Variants in SLC9C1 observed in about 807,000 individuals in gnomAD.
SLC9C1 encodes solute carrier family 9 member C1, also known as sodium/hydrogen exchanger 10.
In SLC9C1, 97 loss-of-function variants were observed where a neutral mutation model predicts 140.9. The observed-to-expected ratio is 0.69, with a 90% CI of 0.58 to 0.82. The LOEUF (loss-of-function observed/expected upper bound fraction) is 0.82, where lower values mean the gene tolerates loss of function less well. SLC9C1 is among the 40% of genes least tolerant of loss of function. The pLI is 0.00. For synonymous variants in SLC9C1, 440 were observed against 442.6 expected (o/e 0.99, Z 0.07); for missense variants, 1,340 against 1,389.3 (o/e 0.96, Z 0.56).
intron 15 of SLC9C1, among the ~76,000 whole-genome samples, chr3:112,209,106 T>C (rs1256412194): frequency 6.6e-6 from 1 of 152,222 alleles, no homozygotes; most frequent in Non-Finnish European, 1.5e-5. Flanking sequence ...TGATAATGAT[T>C]AATTAATTGC....
intron 26 of SLC9C1, among the ~76,000 whole-genome samples, chr3:112,164,767 T>TGA (rs2077083586): frequency 6.7e-6 from 1 of 148,514 alleles, no homozygotes; most frequent in Non-Finnish European, 1.5e-5. Context: ...TTGCTCTTCT[T>TGA]GAGGAGTATC....
chr3:112,209,206 C>A (rs1331393412), intron 15 of SLC9C1, among the ~76,000 whole-genome samples: 8 of 64,388 alleles, frequency 1.2e-4, no homozygotes, highest in Non-Finnish European at 2.7e-4. Flanking sequence ...ATTTTGGATA[C>A]CATTTGAAAA....
chr3:112,281,555 G>A (rs1009370458), intron 2 of SLC9C1, among the ~76,000 whole-genome samples: 1 of 152,170 alleles, frequency 6.6e-6, no homozygotes, highest in Non-Finnish European at 1.5e-5. Context: ...ATAAGGAATT[G>A]TACTCTCAGA....
At chr3:112,194,381 C>T (rs1230889522) in intron 20 of SLC9C1, among the ~76,000 whole-genome samples, 2 of 152,174 alleles carry the variant, frequency 1.3e-5, no homozygotes, top group African/African-American at 4.8e-5. Flanking sequence ...CCAATCACCA[C>T]AGGTACTTCT....
At chr3:112,283,831 CA>C (rs1297273163) in intron 2 of SLC9C1, among the ~76,000 whole-genome samples, 1 of 104,090 alleles carries the variant, frequency 9.6e-6, no homozygotes, top group African/African-American at 3.8e-5. Context: ...CTTTAGTCCA[CA>C]AATCACTGTG....
intron 13 of SLC9C1, among the ~76,000 whole-genome samples, chr3:112,226,666 G>T (rs1442093947): frequency 6.6e-6 from 1 of 151,982 alleles, no homozygotes; most frequent in African/African-American, 2.4e-5. Flanking sequence ...AGTTTGCAGT[G>T]AGCCAAGATT....
intron 15 of SLC9C1, among the ~76,000 whole-genome samples, chr3:112,211,755 T>G (rs1179556707): frequency 3.9e-5 from 6 of 152,154 alleles, no homozygotes; most frequent in South Asian, 4.1e-4. Context: ...AGGCCTGCCT[T>G]CCTCTGTAGA....
chr3:112,262,073 A>T lies in SLC9C1; in HGVS notation c.1197+851T>A, dbSNP rs1043017495. ...AGTGAGGAAACTGATACTTGAGGTG[A>T]GGTGGAAATTAAAAACTTGCTGATG... On this transcript the variant is annotated intron_variant, in intron 10 of 28. Coordinates refer to ENST00000305815, the MANE Select transcript of SLC9C1 (RefSeq NM_183061.3). Among the ~76,000 whole-genome samples, 7 of 152,036 alleles carry T rather than the reference A, an allele frequency of 4.6e-5. 1 individual carries two copies. The highest frequency in any genetic ancestry group is 1.7e-4 in the African/African-American group (7 of 41,416).
chr3:112,192,517 G>A (rs1389342692), intron 20 of SLC9C1, among the ~76,000 whole-genome samples: 1 of 152,046 alleles, frequency 6.6e-6, no homozygotes, highest in Non-Finnish European at 1.5e-5. Context: ...CACTTGGGTG[G>A]TGTCTACCTT....
Position 112,188,132 on chromosome 3 carries a change from T to C in SLC9C1, c.2524-5874A>G, listed in dbSNP as rs1220704171. Among the ~76,000 whole-genome samples, 4 of 152,316 alleles carry C rather than the reference T, an allele frequency of 2.6e-5. No homozygotes were observed. The South Asian group carries it at 8.3e-4, about 32-fold the overall frequency. On this transcript the variant is annotated intron_variant, in intron 20 of 28. Coordinates refer to ENST00000305815, the MANE Select transcript of SLC9C1 (RefSeq NM_183061.3). ...TCCAACTTGATGGACATATAGGCTGTTTATAATATATGTTTGAACACATAT... is the reference window on the plus strand; with the variant it reads ...TCCAACTTGATGGACATATAGGCTGCTTATAATATATGTTTGAACACATAT...
At chr3:112,286,446 G>A (rs2080510207) in intron 2 of SLC9C1, among the ~76,000 whole-genome samples, 1 of 152,124 alleles carries the variant, frequency 6.6e-6, no homozygotes, top group Admixed American at 6.5e-5. Context: ...ATTGAAATCT[G>A]ACCCTGACAT....
chr3:112,173,342 G>A (rs147131898), intron 23 of SLC9C1, among the ~76,000 whole-genome samples: 2,369 of 152,154 alleles, frequency 0.016, 36 homozygotes, highest in Non-Finnish European at 0.026. Context: ...ATTACATTTC[G>A]CAGGGATCTG....
intron 23 of SLC9C1, among the ~76,000 whole-genome samples, chr3:112,175,224 C>T (rs940831452): frequency 2.0e-5 from 3 of 152,154 alleles, no homozygotes; most frequent in African/African-American, 4.8e-5. Context: ...GCTGGGTGTC[C>T]GCTCCAGTCC....
chr3:112,153,884 A>G (rs2075055774), intron 27 of SLC9C1, among the ~76,000 whole-genome samples: 1 of 152,162 alleles, frequency 6.6e-6, no homozygotes, highest in Admixed American at 6.5e-5. Context: ...GGTTTGAGGA[A>G]ACTTTTTCCC....
chr3:112,242,917 T>C (rs1326743430), intron 11 of SLC9C1, among the ~76,000 whole-genome samples: 1 of 151,930 alleles, frequency 6.6e-6, no homozygotes, highest in East Asian at 1.9e-4. Flanking sequence ...CATGAAAAAA[T>C]GCTCATCATC....
chr3:112,289,366 T>C (rs1240414251), intron 1 of SLC9C1, among the ~76,000 whole-genome samples: 2 of 152,202 alleles, frequency 1.3e-5, no homozygotes, highest in African/African-American at 2.4e-5. Context: ...GGGTTCACTT[T>C]AGGTAAGGTG....
At position 112,278,863 on chromosome 3, in the gene SLC9C1, A is replaced by G; in HGVS notation, c.190-6T>C. 1 of 1,599,964 alleles carries G rather than the reference A, an allele frequency of 6.3e-7. No individual in the cohort carries two copies. Among genetic ancestry groups the G allele is most frequent in the South Asian group, 1.1e-5 (1 of 88,396 alleles). On this transcript the variant is annotated splice_region_variant and splice_polypyrimidine_tract_variant and intron_variant, in intron 3 of 28. Transcript: ENST00000305815. Reference sequence around the variant, plus strand: ...GCGTTTGCGTATCTTTGGACCTAATATTATACAAATATATCATCTTCTCAT... The same window carrying G: ...GCGTTTGCGTATCTTTGGACCTAATGTTATACAAATATATCATCTTCTCAT...
At chr3:112,193,352 CT>C (rs1166232533) in intron 20 of SLC9C1, among the ~76,000 whole-genome samples, 4 of 152,012 alleles carry the variant, frequency 2.6e-5, no homozygotes, top group Non-Finnish European at 5.9e-5. Context: ...ATTGGATGGG[CT>C]TTTTTTCTGG....
At position 112,262,939 on chromosome 3, in the gene SLC9C1, G is replaced by T; in HGVS notation, c.1182C>A (p.Asp394Glu). 1 of 1,571,912 alleles carries T rather than the reference G, an allele frequency of 6.4e-7. No individual in the cohort carries two copies. Among genetic ancestry groups the T allele is most frequent in the Non-Finnish European group, 8.6e-7 (1 of 1,166,112 alleles). Residue 394 changes from aspartate (D) to glutamate (E), a missense_variant, in exon 10 of 29, where the codon GAC (aspartate) becomes GAA (glutamate). By Grantham distance (45) the Asp-to-Glu change is conservative. Coordinates refer to ENST00000305815, the MANE Select transcript of SLC9C1 (RefSeq NM_183061.3). ...CTTTCTTTACTTGAGATTTTTCTTT[G>T]TCAGATCCAAAATAAAGATCAGAGT... ...LAYSDLYFGS[D>E]KEKSQILFHG...
Sources: gnomAD v4.1 joint callset for allele counts (sites outside exome capture counted in the v4.1 genomes callset) on GRCh38, gnomAD v4.1.1 for gene constraint, MANE v1.5 for transcripts, NCBI Gene and HGNC (gene_info 2026-07-23, HGNC 2026-07-21) for gene names.